The following CADM2 variants were observed in gnomAD, a reference collection of about 807,000 sequenced individuals.
The protein encoded by CADM2 is cell adhesion molecule 2, also known as immunoglobulin superfamily member 4D.
A neutral mutation model predicts 49.8 loss-of-function variants in CADM2; 12 were observed. That is an observed-to-expected ratio of 0.24 (90% CI 0.15 to 0.39). CADM2 has a LOEUF of 0.39. Among genes scored for constraint, CADM2 ranks in the 10% least tolerant of loss-of-function variants. The pLI, the probability that CADM2 is intolerant of heterozygous loss-of-function variation, is 1.00. For synonymous variants in CADM2, 214 were observed against 175.4 expected (o/e 1.22, Z -1.74); for missense variants, 378 against 492.3 (o/e 0.77, Z 2.20).
intron 2 of CADM2, among the ~76,000 whole-genome samples, chr3:85,765,336 G>A (rs73845646): frequency 0.051 from 7,729 of 152,030 alleles, 559 homozygotes; most frequent in African/African-American, 0.16. Context: ...CTTAATTGAG[G>A]ATTCATTAAT....
intron 2 of CADM2, among the ~76,000 whole-genome samples, chr3:85,768,522 AAAT>A (rs1236750033): frequency 5.0e-4 from 74 of 149,326 alleles, no homozygotes; most frequent in South Asian, 8.3e-4. Context: ...TAACTGGGAA[AAAT>A]AATATGAACA....
intron 1 of CADM2, among the ~76,000 whole-genome samples, chr3:85,647,009 A>G (rs1270310569): frequency 6.6e-6 from 1 of 151,708 alleles, no homozygotes; most frequent in Non-Finnish European, 1.5e-5. Context: ...TCTCTATTCA[A>G]GCAATTTTTT....
chr3:84,967,853 A>AT (rs1324773023), intron 1 of CADM2, among the ~76,000 whole-genome samples: 5 of 151,946 alleles, frequency 3.3e-5, no homozygotes, highest in Non-Finnish European at 7.4e-5. Flanking sequence ...TTACTATTGC[A>AT]TTTTTTTGAA....
At chr3:85,692,031 C>T (rs1192476990) in intron 1 of CADM2, among the ~76,000 whole-genome samples, 1 of 152,006 alleles carries the variant, frequency 6.6e-6, no homozygotes, top group African/African-American at 2.4e-5. Flanking sequence ...TGTTAAATGA[C>T]GAGTTAATGG....
intron 7 of CADM2, among the ~76,000 whole-genome samples, chr3:85,959,824 A>G (rs894058201): frequency 6.6e-6 from 1 of 151,992 alleles, no homozygotes; most frequent in African/African-American, 2.4e-5. Context: ...CTAGGTGTGT[A>G]GTAGGCTGTG....
chr3:85,074,647 C>A (rs2036874189), intron 1 of CADM2, among the ~76,000 whole-genome samples: 1 of 151,964 alleles, frequency 6.6e-6, no homozygotes, highest in African/African-American at 2.4e-5. Context: ...GAGGTAGCAA[C>A]CTGGGGGGCA....
At chr3:85,885,644 T>C (rs1353628088) in intron 4 of CADM2, among the ~76,000 whole-genome samples, 9 of 140,428 alleles carry the variant, frequency 6.4e-5, no homozygotes, top group Non-Finnish European at 1.5e-5. Flanking sequence ...ATTGCACCAC[T>C]GCACTCCAGC....
chr3:85,081,445 A>G (rs570747362), intron 1 of CADM2, among the ~76,000 whole-genome samples: 2 of 152,298 alleles, frequency 1.3e-5, no homozygotes, highest in African/African-American at 2.4e-5. Context: ...AAATATTTGG[A>G]AACACTCCTT....
chr3:85,329,885 TAAG>T (rs1422064817), intron 1 of CADM2, among the ~76,000 whole-genome samples: 2 of 151,900 alleles, frequency 1.3e-5, no homozygotes, highest in African/African-American at 2.4e-5. Flanking sequence ...GAAAGAAAAA[TAAG>T]AAGCATTTGA....
intron 1 of CADM2, among the ~76,000 whole-genome samples, chr3:85,466,530 C>G (rs2038498908): frequency 1.3e-5 from 2 of 152,148 alleles, no homozygotes. Flanking sequence ...ACAACTCTAG[C>G]TTGACTGCTA....
intron 1 of CADM2, among the ~76,000 whole-genome samples, chr3:85,681,251 A>G (rs762592681): frequency 9.2e-5 from 14 of 152,144 alleles, no homozygotes; most frequent in Non-Finnish European, 1.8e-4. Context: ...TCATGAGATG[A>G]CGTTACCATA....
At chr3:85,905,827 A>G (rs574774529) in intron 5 of CADM2, among the ~76,000 whole-genome samples, 99 of 152,238 alleles carry the variant, frequency 6.5e-4, no homozygotes, top group African/African-American at 2.4e-3. Context: ...AATTATTGTA[A>G]AAACTCTGGT....
intron 7 of CADM2, among the ~76,000 whole-genome samples, chr3:85,954,127 C>A (rs1016493012): frequency 6.6e-5 from 10 of 150,736 alleles, no homozygotes; most frequent in African/African-American, 2.4e-4. Context: ...AGTATGAAAT[C>A]AATACCAAGA....
intron 1 of CADM2, among the ~76,000 whole-genome samples, chr3:85,263,484 G>T (rs6789415): frequency 0.22 from 33,493 of 151,896 alleles, 6,068 homozygotes; most frequent in African/African-American, 0.5. Flanking sequence ...TTGTTTAACT[G>T]GTAACCATAA....
intron 8 of CADM2, among the ~76,000 whole-genome samples, chr3:86,036,396 C>G (rs536540825): frequency 8.5e-4 from 129 of 152,180 alleles, no homozygotes; most frequent in Admixed American, 1.6e-3. Context: ...AGGCATCTTC[C>G]TGGGTTTCTT....
intron 1 of CADM2, among the ~76,000 whole-genome samples, chr3:85,468,067 T>A (rs1405748822): frequency 7.5e-6 from 1 of 133,920 alleles, no homozygotes; most frequent in African/African-American, 2.8e-5. Context: ...GGCAGGAGAA[T>A]GGCGTGAACC....
Position 86,069,399 on chromosome 3 carries a change from G to A in CADM2, c.*2616G>A, listed in dbSNP as rs754144007. 2.2e-4 allele frequency: 33 copies of A among 151,814 alleles called. No individual in the cohort carries two copies. Among genetic ancestry groups the A allele is most frequent in the Non-Finnish European group, 3.7e-4 (25 of 67,838 alleles). The allele number at this position is 151,814 out of a possible 1,614,324, so 9.4% of individuals were successfully genotyped here. On this transcript the variant is annotated 3_prime_UTR_variant, in exon 10 of 10. Transcript: ENST00000383699. The stretch of plus-strand genomic sequence containing the variant: ...ATTTGTGGGATCTAATTAAATGTTT[G>A]CCTATTAAATATAGTTTGATTTAAA...
At chr3:85,703,633 A>C in intron 1 of CADM2, among the ~76,000 whole-genome samples, 1 of 152,164 alleles carries the variant, frequency 6.6e-6, no homozygotes, top group Admixed American at 6.5e-5. Context: ...GAGATGTTTT[A>C]TTGCCCAATT....
chr3:85,514,509 A>G (rs2060847870), intron 1 of CADM2, among the ~76,000 whole-genome samples: 1 of 152,080 alleles, frequency 6.6e-6, no homozygotes, highest in African/African-American at 2.4e-5. Flanking sequence ...GACATTCAAT[A>G]TATATAATAT....
Sources: gnomAD v4.1 joint callset for allele counts (sites outside exome capture counted in the v4.1 genomes callset) on GRCh38, gnomAD v4.1.1 for gene constraint, MANE v1.5 for transcripts, NCBI Gene and HGNC (gene_info 2026-07-23, HGNC 2026-07-21) for gene names.